The following ARHGAP26 variants were observed in gnomAD, a reference collection of about 807,000 sequenced individuals.
The protein encoded by ARHGAP26 is Rho GTPase activating protein 26.
A neutral mutation model predicts 104.8 loss-of-function variants in ARHGAP26; 38 were observed. The observed-to-expected ratio is 0.36, with a 90% CI of 0.28 to 0.48. The LOEUF is 0.48. Ranked by LOEUF, ARHGAP26 falls within the 20% of genes least tolerant of loss-of-function variation. The pLI, the probability that ARHGAP26 is intolerant of heterozygous loss-of-function variation, is 0.99. For synonymous variants in ARHGAP26, 341 were observed against 340.0 expected (o/e 1.00, Z -0.03); for missense variants, 704 against 947.9 (o/e 0.74, Z 3.38).
At chr5:142,809,199 G>T (rs188434476) in intron 1 of ARHGAP26, among the ~76,000 whole-genome samples, 3 of 152,256 alleles carry the variant, frequency 2.0e-5, no homozygotes, top group South Asian at 4.1e-4. Flanking sequence ...GGTTTTATTT[G>T]TGTGTTTTAT....
chr5:142,994,190 G>A (rs1023626362), intron 11 of ARHGAP26, among the ~76,000 whole-genome samples: 2 of 152,192 alleles, frequency 1.3e-5, no homozygotes, highest in African/African-American at 4.8e-5. Flanking sequence ...GGGAGTTGAA[G>A]GCAGCTTCAT....
chr5:143,062,368 T>C (rs769366786), intron 17 of ARHGAP26, among the ~76,000 whole-genome samples: 1 of 152,246 alleles, frequency 6.6e-6, no homozygotes, highest in Non-Finnish European at 1.5e-5. Flanking sequence ...CTGTTATATG[T>C]TGTGACTTTC....
chr5:143,081,624 A>G (rs189903529), intron 17 of ARHGAP26, among the ~76,000 whole-genome samples: 98 of 152,322 alleles, frequency 6.4e-4, no homozygotes, highest in Middle Eastern at 3.4e-3. Flanking sequence ...TAAAATGGGA[A>G]GAATAATAGG....
At chr5:143,187,572 A>C (rs1805332887) in intron 20 of ARHGAP26, among the ~76,000 whole-genome samples, 1 of 152,244 alleles carries the variant, frequency 6.6e-6, no homozygotes, top group Non-Finnish European at 1.5e-5. Flanking sequence ...CGCCCTGTGG[A>C]AGCCACACAG....
At chr5:143,088,759 C>T (rs1438687124) in intron 17 of ARHGAP26, among the ~76,000 whole-genome samples, 1 of 152,208 alleles carries the variant, frequency 6.6e-6, no homozygotes, top group African/African-American at 2.4e-5. Flanking sequence ...TTATCCCTGA[C>T]ATATGTGATC....
intron 1 of ARHGAP26, chr5:142,771,250 A>C: frequency 2.4e-6 from 3 of 1,255,786 alleles, no homozygotes; most frequent in Non-Finnish European, 3.0e-6. Context: ...CGCCGCAGCC[A>C]GCGGGCAGAT....
chr5:142,773,857 G>GT (rs1755754861), intron 1 of ARHGAP26, among the ~76,000 whole-genome samples: 1 of 152,196 alleles, frequency 6.6e-6, no homozygotes, highest in South Asian at 2.1e-4. Flanking sequence ...ATTCAGTAAG[G>GT]TAAGTAAGTG....
intron 17 of ARHGAP26, among the ~76,000 whole-genome samples, chr5:143,099,594 G>T (rs185065382): frequency 4.5e-4 from 68 of 152,242 alleles, no homozygotes; most frequent in Admixed American, 1.8e-3. Context: ...ATTCATTTTC[G>T]CAGTGTCACT....
intron 6 of ARHGAP26, among the ~76,000 whole-genome samples, chr5:142,898,618 TTCTC>T (rs57549608): frequency 2.0e-5 from 3 of 151,430 alleles, no homozygotes; most frequent in East Asian, 1.9e-4. Flanking sequence ...GTCAGTCTGA[TTCTC>T]TCTCTCTCTC....
intron 1 of ARHGAP26, among the ~76,000 whole-genome samples, chr5:142,832,040 T>C (rs964679332): frequency 6.6e-6 from 1 of 152,210 alleles, no homozygotes; most frequent in Non-Finnish European, 1.5e-5. Context: ...TTGTCTATTA[T>C]GAAGACATAC....
intron 1 of ARHGAP26, chr5:142,859,974 TACTC>T (rs984414067): frequency 2.6e-5 from 4 of 152,304 alleles, no homozygotes; most frequent in African/African-American, 9.7e-5. Flanking sequence ...CGTTCCCCCT[TACTC>T]AGTCGTAGAT....
At chr5:143,004,146 G>C (rs1451034084) in intron 11 of ARHGAP26, among the ~76,000 whole-genome samples, 2 of 152,062 alleles carry the variant, frequency 1.3e-5, no homozygotes, top group Non-Finnish European at 2.9e-5. Flanking sequence ...CAGTGTATAA[G>C]TGGTTGAGGT....
intron 10 of ARHGAP26, among the ~76,000 whole-genome samples, chr5:142,928,888 C>T (rs1764305682): frequency 6.6e-5 from 10 of 151,892 alleles, no homozygotes; most frequent in Admixed American, 6.5e-4. Flanking sequence ...ATATTTACTC[C>T]AATTTCTCTT....
chr5:142,988,655 G>C (rs569722595), intron 11 of ARHGAP26, among the ~76,000 whole-genome samples: 45 of 152,272 alleles, frequency 3.0e-4, no homozygotes, highest in South Asian at 1.2e-3. Flanking sequence ...TCTACACACA[G>C]CTTTAAATGT....
intron 19 of ARHGAP26, among the ~76,000 whole-genome samples, chr5:143,139,034 T>A (rs1391957756): frequency 6.6e-6 from 1 of 152,162 alleles, no homozygotes; most frequent in Non-Finnish European, 1.5e-5. Flanking sequence ...GAACTCTTCC[T>A]TATCTCCAAG....
chr5:142,876,926 A>C (rs1335845114), intron 3 of ARHGAP26, among the ~76,000 whole-genome samples: 4 of 151,640 alleles, frequency 2.6e-5, no homozygotes, highest in Non-Finnish European at 5.9e-5. Context: ...TGGTGGCAGC[A>C]GTGGGGGTTG....
chr5:143,211,967 C>T (rs1002828982), intron 21 of ARHGAP26, among the ~76,000 whole-genome samples: 1 of 152,176 alleles, frequency 6.6e-6, no homozygotes, highest in Non-Finnish European at 1.5e-5. Context: ...TGGACCACTC[C>T]CTTTTATTTC....
intron 17 of ARHGAP26, among the ~76,000 whole-genome samples, chr5:143,094,663 C>G (rs6882666): frequency 0.092 from 13,970 of 152,288 alleles, 1,232 homozygotes; most frequent in East Asian, 0.36. Flanking sequence ...GAGGGGAAAG[C>G]CTTCTTATCC....
chr5:143,167,357 C>T (rs1487142484), intron 20 of ARHGAP26, among the ~76,000 whole-genome samples: 1 of 149,106 alleles, frequency 6.7e-6, no homozygotes. Context: ...TGGCATGCGC[C>T]TGTAATCCCA....
Sources: allele counts gnomAD v4.1 joint callset (sites outside exome capture counted in the v4.1 genomes callset), GRCh38; gene constraint gnomAD v4.1.1; transcripts MANE v1.5; gene names NCBI Gene and HGNC (gene_info 2026-07-23, HGNC 2026-07-21).